Variants in HOXB5 observed in about 807,000 individuals in gnomAD.
HOXB5 encodes the protein homeobox protein Hox-B5.
A neutral mutation model predicts 19.6 loss-of-function variants in HOXB5; 10 were observed. The ratio of observed to expected loss-of-function variants is 0.51; its 90% confidence interval spans 0.32 to 0.87. The LOEUF is 0.87. Ranked by LOEUF, HOXB5 falls within the 40% of genes least tolerant of loss-of-function variation. The pLI is 0.04. For missense variants in HOXB5, 353 were observed against 369.6 expected (o/e 0.96, Z 0.37); for synonymous variants, 167 against 156.9 (o/e 1.06, Z -0.48).
chr17:48,593,518 G>T lies in HOXB5; in HGVS notation c.165C>A (p.Ser55Arg), dbSNP rs1157466837. Residue 55 changes from serine to arginine, a missense_variant, in exon 1 of 2, where the codon AGC becomes AGA. By Grantham distance (110) the Ser-to-Arg change is moderately radical. Transcript: ENST00000239151. ...YGYNYNGMDL[S>R]VNRSSASSSH... is the part of the protein sequence containing the mutation. ...TGGAGGAGGCCGAGGAGCGGTTGACGCTGAGGTCCATCCCATTGTAATTGT... is the reference window on the plus strand; with the variant it reads ...TGGAGGAGGCCGAGGAGCGGTTGACTCTGAGGTCCATCCCATTGTAATTGT... 28 of 1,613,294 alleles carry T rather than the reference G, an allele frequency of 1.7e-5. No individual in the cohort carries two copies. The highest frequency in any genetic ancestry group is 2.4e-5 in the Non-Finnish European group (28 of 1,179,990).
At chr17:48,592,760 C>T (rs1250027286) in intron 1 of HOXB5, among the ~76,000 whole-genome samples, 1 of 152,210 alleles carries the variant, frequency 6.6e-6, no homozygotes, top group Non-Finnish European at 1.5e-5. Context: ...TGCACTTTTG[C>T]CCCGGAAAGC....
In HOXB5 at chr17:48,593,201, G is replaced by T. The variant is rs867152643; in HGVS notation, c.482C>A (p.Pro161His). The change falls in exon 1 of 2, where the codon CCC becomes CAC. Residue 161 changes from proline (P) to histidine (H), a missense_variant. By Grantham distance (77) the Pro-to-His change is moderately conservative. Coordinates refer to ENST00000239151, the MANE Select transcript of HOXB5 (RefSeq NM_002147.4). ...GGGCGCGGCTGTGGAGGTGGCCATG[G>T]GCTCTGGCTGCGCCCGAGCTAGGCT... ...SPSLARAQPE[P>H]MATSTAAPEG... 1.4e-5 allele frequency: 23 copies of T among 1,611,132 alleles called. No individual in the cohort carries two copies. In the Middle Eastern group the frequency reaches 3.4e-3, roughly 237 times the overall value.
Position 48,593,366 on chromosome 17 carries a change from T to G in HOXB5, c.317A>C (p.Asp106Ala), listed in dbSNP as rs1228466624. ...SPESLPCTNG[D>A]SHGAKPSASS... The stretch of plus-strand genomic sequence containing the variant: ...AGCAGAGGGCTTGGCGCCGTGGCTG[T>G]CGCCGTTGGTGCAGGGCAGGGACTC... The change falls in exon 1 of 2, where the codon GAC becomes GCC. Residue 106 changes from aspartate to alanine, a missense_variant. Transcript: ENST00000239151. 1.9e-6 allele frequency: 3 copies of G among 1,600,234 alleles called. No individual in the cohort carries two copies. Among genetic ancestry groups the G allele is most frequent in the South Asian group, 1.1e-5 (1 of 89,610 alleles).
rs1484571464 is a variant in HOXB5 at position 48,592,154 on chromosome 17, G to A, written c.*55C>T. 7 of 1,583,170 alleles carry A rather than the reference G, an allele frequency of 4.4e-6. No individual in the cohort carries two copies. The highest frequency in any genetic ancestry group is 3.4e-5 in the Admixed American group (2 of 58,636). The stretch of plus-strand genomic sequence containing the variant: ...GCGGCAGAGCGGGGAGGATTGGAGG[G>A]GCCAGGGCTGGGGGTGGCACGGGCT... On this transcript the variant is annotated 3_prime_UTR_variant, in exon 2 of 2. Coordinates refer to ENST00000239151, the MANE Select transcript of HOXB5 (RefSeq NM_002147.4).
chr17:48,593,460 C>A lies in HOXB5; in HGVS notation c.223G>T (p.Ala75Ser), dbSNP rs200807977. The A allele has an allele frequency of 1.5e-5, 24 of 1,611,328 alleles. No individual in the cohort carries two copies. The highest frequency in any genetic ancestry group is 2.0e-5 in the Non-Finnish European group (24 of 1,178,522). ...GGCTCCTGGGCGGGCGCGGGGAAGG[C>A]GCGCGAGCTCTCGCCCACCGCCCCA... is the stretch of plus-strand genomic sequence containing the variant. The part of the protein sequence containing the change: ...HFGAVGESSR[A>S]FPAPAQEPRF... Residue 75 changes from alanine to serine, a missense_variant, in exon 1 of 2, where the codon GCC becomes TCC. By Grantham distance (99) the Ala-to-Ser change is moderately conservative. Coordinates refer to ENST00000239151, the MANE Select transcript of HOXB5 (RefSeq NM_002147.4).
At position 48,593,432 on chromosome 17, in the gene HOXB5, C is replaced by A; in HGVS notation, c.251G>T (p.Arg84Leu). 2 of 1,609,730 alleles carry A rather than the reference C, an allele frequency of 1.2e-6. No homozygotes were observed. Among genetic ancestry groups the A allele is most frequent in the South Asian group, 1.1e-5 (1 of 90,696 alleles). ...RAFPAPAQEP[R>L]FRQAASSCSL... ...GCAGCTCGAAGCCGCTTGCCTGAAG[C>A]GGGGCTCCTGGGCGGGCGCGGGGAA... The change falls in exon 1 of 2, where the codon CGC becomes CTC. Residue 84 changes from arginine to leucine, a missense_variant. Coordinates refer to ENST00000239151, the MANE Select transcript of HOXB5 (RefSeq NM_002147.4).
intron 1 of HOXB5, 127 bp downstream of exon 1, chr17:48,592,994 G>A: frequency 1.4e-6 from 1 of 697,320 alleles, no homozygotes; most frequent in African/African-American, 1.8e-5. Context: ...GCCCCTCTTA[G>A]ATACTTCTCC....
chr17:48,591,265 G>A lies in HOXB5; in HGVS notation c.*944C>T, dbSNP rs556513795. On this transcript the variant is annotated 3_prime_UTR_variant, in exon 2 of 2. Transcript: ENST00000239151. Reference sequence around the variant, plus strand: ...GACAAGTGGAAGGGCAATGGAGTGGGGGAAACATTTATTTGACTTCCAGGA... The same window carrying A: ...GACAAGTGGAAGGGCAATGGAGTGGAGGAAACATTTATTTGACTTCCAGGA... The A allele has an allele frequency of 2.0e-5, 3 of 152,798 alleles. No individual in the cohort carries two copies. Among genetic ancestry groups the A allele is most frequent in the Non-Finnish European group, 2.9e-5 (2 of 68,072 alleles). 9.5% of individuals were successfully genotyped at this position (152,798 alleles called of 1,614,324 possible). A position where few individuals can be genotyped will look rare whatever the true frequency, so the allele number is the denominator to read the frequency against.
chr17:48,592,353 T>A lies in HOXB5; in HGVS notation c.666A>T (p.Arg222=). 6.2e-7 allele frequency: 1 copy of A among 1,614,082 alleles called. No homozygotes were observed. Among genetic ancestry groups the A allele is most frequent in the Non-Finnish European group, 8.5e-7 (1 of 1,180,016 alleles). The change falls in exon 2 of 2, where the codon CGA becomes CGT. Residue 222 remains arginine (R), a synonymous_variant. Coordinates refer to ENST00000239151, the MANE Select transcript of HOXB5 (RefSeq NM_002147.4). ...EFHFNRYLTR[R]RRIEIAHALC... The stretch of plus-strand genomic sequence containing the variant: ...GTGCGTGGGCGATCTCGATGCGCCG[T>A]CGCCGGGTCAGGTAGCGGTTGAAGT...
rs752996896 is a variant in HOXB5 at position 48,593,604 on chromosome 17, C to T, written c.79G>A (p.Gly27Ser). 4.7e-5 allele frequency: 76 copies of T among 1,613,062 alleles called. 1 individual carries two copies. The African/African-American group carries it at 9.5e-4, about 20-fold the overall frequency. The change falls in exon 1 of 2, where the codon GGC (glycine) becomes AGC (serine). Residue 27 changes from glycine (G) to serine (S), a missense_variant. Gly to Ser is a moderately conservative substitution (Grantham distance 56). Transcript: ENST00000239151. ...CTGTAAGAGCCGCTCAGAGAGCTGC[C>T]ACTGCCATAATTTAGCAACTGATAG... ...PDYQLLNYGSGSSLSGSYRDP... is the reference protein window; with the variant it reads ...PDYQLLNYGSSSSLSGSYRDP...
rs1289812586 is a variant in HOXB5, at chr17:48,593,307, A to C, written c.376T>G (p.Ser126Ala). The stretch of plus-strand genomic sequence containing the variant: ...TCTATTTCGGTGAAATTGGCGCTGG[A>C]GCTGGCTGAGGTCGCCTGGTCGGAG... ...SPSDQATSAS[S>A]SANFTEIDEA... Residue 126 changes from serine to alanine, a missense_variant, in exon 1 of 2, where the codon TCC becomes GCC. Ser to Ala is a moderately conservative substitution (Grantham distance 99, BLOSUM62 1). Coordinates refer to ENST00000239151, the MANE Select transcript of HOXB5 (RefSeq NM_002147.4). 2 of 1,612,448 alleles carry C rather than the reference A, an allele frequency of 1.2e-6. No homozygotes were observed. Among genetic ancestry groups the C allele is most frequent in the Non-Finnish European group, 1.7e-6 (2 of 1,178,982 alleles).
In HOXB5 at chr17:48,593,572, G is replaced by C. The variant is rs771428474; in HGVS notation, c.111C>G (p.Pro37=). ...CGTAAGAGCCGGTGTGCATGGCAGCGGGATCCCTGTAAGAGCCGCTCAGAG... is the reference window on the plus strand; with the variant it reads ...CGTAAGAGCCGGTGTGCATGGCAGCCGGATCCCTGTAAGAGCCGCTCAGAG... ...GSSLSGSYRD[P]AAMHTGSYGY... Residue 37 remains proline, a synonymous_variant, in exon 1 of 2, where the codon CCC becomes CCG. Transcript: ENST00000239151. 1 of 1,613,134 alleles carries C rather than the reference G, an allele frequency of 6.2e-7. No individual in the cohort carries two copies. Among genetic ancestry groups the C allele is most frequent in the South Asian group, 1.1e-5 (1 of 91,084 alleles).
In HOXB5 at chr17:48,593,216, C is replaced by A; in HGVS notation, c.467G>T (p.Arg156Leu). ...GGTGGCCATGGGCTCTGGCTGCGCC[C>A]GAGCTAGGCTGGGGCTGCTTAGCTG... is the stretch of plus-strand genomic sequence containing the variant. ...ASQLSSPSLA[R>L]AQPEPMATST... Residue 156 changes from arginine (R) to leucine (L), a missense_variant, in exon 1 of 2, where the codon CGG becomes CTG. Transcript: ENST00000239151. 1 of 1,612,502 alleles carries A rather than the reference C, an allele frequency of 6.2e-7. No homozygotes were observed. Among genetic ancestry groups the A allele is most frequent in the Admixed American group, 1.7e-5 (1 of 59,980 alleles).
intron 1 of HOXB5, 148 bp from the exon 2 acceptor site, chr17:48,592,604 T>C: frequency 1.2e-6 from 1 of 822,402 alleles, no homozygotes; most frequent in South Asian, 1.8e-5. Context: ...ATGCCCACAT[T>C]CAAGCTCGAT....
Position 48,592,426 on chromosome 17 carries a change from C to T in HOXB5, c.593G>A (p.Arg198Gln), listed in dbSNP as rs369305024. The T allele has an allele frequency of 1.3e-6, 2 of 1,514,210 alleles. No homozygotes were observed. Among genetic ancestry groups the T allele is most frequent in the African/African-American group, 1.4e-5 (1 of 71,006 alleles). 93.8% of individuals were successfully genotyped at this position (1,514,210 alleles called of 1,614,324 possible). ...DMTGPDGKRA[R>Q]TAYTRYQTLE... Reference sequence around the variant, plus strand: ...GGTCTGGTAGCGGGTATACGCGGTCCGGGCCCTTTTCCCGTCCGGCCCGGT... The same window carrying T: ...GGTCTGGTAGCGGGTATACGCGGTCTGGGCCCTTTTCCCGTCCGGCCCGGT... The change falls in exon 2 of 2, where the codon CGG becomes CAG. Residue 198 changes from arginine (R) to glutamine (Q), a missense_variant. Physicochemically the swap from Arg to Gln is conservative, Grantham distance 43. Coordinates refer to ENST00000239151, the MANE Select transcript of HOXB5 (RefSeq NM_002147.4).
rs11554725 is a variant in HOXB5 at position 48,592,175 on chromosome 17, G to A, written c.*34C>T. 2 of 1,601,430 alleles carry A rather than the reference G, an allele frequency of 1.2e-6. No homozygotes were observed. Among genetic ancestry groups the A allele is most frequent in the Non-Finnish European group, 1.7e-6 (2 of 1,172,704 alleles). On this transcript the variant is annotated 3_prime_UTR_variant, in exon 2 of 2. Coordinates refer to ENST00000239151, the MANE Select transcript of HOXB5 (RefSeq NM_002147.4). ...GAGGGGCCAGGGCTGGGGGTGGCAC[G>A]GGCTCTTGGGCCGCTGGGCTCCTCT...
intron 1 of HOXB5, 62 bp downstream of exon 1, chr17:48,593,059 C>G (rs1447890757): frequency 1.6e-6 from 1 of 637,344 alleles, no homozygotes; most frequent in African/African-American, 1.7e-5. Flanking sequence ...CTTGTCCCCC[C>G]GATCCCACCC....
chr17:48,593,649 G>T lies in HOXB5; in HGVS notation c.34C>A (p.Arg12Ser), dbSNP rs779670773. ...TGATAGTCCGGGCCATTTGGATAAC[G>T]CCCCGAGAAGGAGTTTACAAAGTAC... The part of the protein sequence containing the change: ...SSYFVNSFSG[R>S]YPNGPDYQLL... The change falls in exon 1 of 2, where the codon CGT (arginine) becomes AGT (serine). Residue 12 changes from arginine (R) to serine (S), a missense_variant. Coordinates refer to ENST00000239151, the MANE Select transcript of HOXB5 (RefSeq NM_002147.4). 3.7e-6 allele frequency: 6 copies of T among 1,612,212 alleles called. No homozygotes were observed. The African/African-American group carries it at 6.7e-5, about 18-fold the overall frequency.
chr17:48,592,422 G>A lies in HOXB5; in HGVS notation c.597C>T (p.Thr199=). Residue 199 remains threonine (T), a synonymous_variant, in exon 2 of 2, where the codon ACC becomes ACT. Coordinates refer to ENST00000239151, the MANE Select transcript of HOXB5 (RefSeq NM_002147.4). ...MTGPDGKRAR[T]AYTRYQTLEL... ...CCAGGGTCTGGTAGCGGGTATACGC[G>A]GTCCGGGCCCTTTTCCCGTCCGGCC... 6.2e-7 allele frequency: 1 copy of A among 1,613,980 alleles called. No homozygotes were observed. Among genetic ancestry groups the A allele is most frequent in the Non-Finnish European group, 8.5e-7 (1 of 1,179,998 alleles).
Sources: allele counts gnomAD v4.1 joint callset (sites outside exome capture counted in the v4.1 genomes callset), GRCh38; gene constraint gnomAD v4.1.1; transcripts MANE v1.5; gene names NCBI Gene and HGNC (gene_info 2026-07-23, HGNC 2026-07-21).